The following RAD21 variants were observed in gnomAD, a reference collection of about 807,000 sequenced individuals.
RAD21 encodes the protein RAD21 cohesin complex component.
RAD21 carries 18 observed loss-of-function variants against 71.5 expected under a neutral mutation model. That is an observed-to-expected ratio of 0.25 (90% CI 0.17 to 0.37). The LOEUF is 0.37. Ranked by LOEUF, RAD21 falls within the 10% of genes least tolerant of loss-of-function variation. The probability of loss-of-function intolerance (pLI) is 1.00; values close to 1 mark genes in which losing one functional copy is unlikely to be tolerated. For missense variants in RAD21, 493 were observed against 769.1 expected (o/e 0.64, Z 4.25); for synonymous variants, 248 against 254.0 (o/e 0.98, Z 0.22).
At chr8:116,855,950 G>T (rs1464661461) in intron 8 of RAD21, among the ~76,000 whole-genome samples, 1 of 151,976 alleles carries the variant, frequency 6.6e-6, no homozygotes, top group Non-Finnish European at 1.5e-5. Context: ...ATTATAATTG[G>T]ATAGAAGAAA....
rs1319149762 is a variant in RAD21, at chr8:116,854,371, T to C, written c.1035A>G (p.Ser345=). 2 of 1,613,954 alleles carry C rather than the reference T, an allele frequency of 1.2e-6. No homozygotes were observed. The highest frequency in any genetic ancestry group is 1.3e-5 in the African/African-American group (1 of 75,032). Residue 345 remains serine (S), a synonymous_variant, in exon 9 of 14, where the codon TCA becomes TCG. Coordinates refer to ENST00000297338, the MANE Select transcript of RAD21 (RefSeq NM_006265.3). ...CCAGATCCAAAGTAGTAACAATATCTGAATAATCACTAAGTTGGGCTCTAA... is the reference window on the plus strand; with the variant it reads ...CCAGATCCAAAGTAGTAACAATATCCGAATAATCACTAAGTTGGGCTCTAA... ...KTIRAQLSDY[S]DIVTTLDLAP... is the part of the protein sequence containing the mutation.
chr8:116,852,224 A>C, intron 10 of RAD21, 128 bp from the exon 11 acceptor site: 1 of 927,536 alleles, frequency 1.1e-6, no homozygotes, highest in Non-Finnish European at 1.5e-6. Context: ...AGGCCAGATA[A>C]AATTTTAGCT....
intron 4 of RAD21, among the ~76,000 whole-genome samples, chr8:116,860,875 G>T (rs897217906): frequency 6.6e-6 from 1 of 152,102 alleles, no homozygotes; most frequent in Non-Finnish European, 1.5e-5. Context: ...GATGAAATAA[G>T]ATTATTGTTA....
intron 4 of RAD21, among the ~76,000 whole-genome samples, chr8:116,860,021 A>C (rs1024358510): frequency 6.6e-6 from 1 of 152,182 alleles, no homozygotes; most frequent in African/African-American, 2.4e-5. Flanking sequence ...GTTTGGAAGA[A>C]ATTAACATTA....
chr8:116,868,125 CT>C (rs1408244383), intron 1 of RAD21, among the ~76,000 whole-genome samples: 2 of 152,142 alleles, frequency 1.3e-5, no homozygotes, highest in East Asian at 1.9e-4. Flanking sequence ...TCACTGCAGC[CT>C]TGAACTCCTA....
intron 8 of RAD21, 99 bp downstream of exon 8, chr8:116,856,067 A>G: frequency 7.4e-7 from 1 of 1,356,012 alleles, no homozygotes; most frequent in South Asian, 1.5e-5. Flanking sequence ...CAAGAAGCCT[A>G]GTTATCTAAT....
chr8:116,847,918 C>T (rs768936645), intron 13 of RAD21, among the ~76,000 whole-genome samples: 2 of 152,042 alleles, frequency 1.3e-5, no homozygotes, highest in African/African-American at 4.8e-5. Flanking sequence ...AATTCTTGCT[C>T]GTTAGTTAAC....
At chr8:116,849,092 A>G (rs1812301495) in intron 12 of RAD21, 63 bp from the exon 13 acceptor site, 1 of 1,238,438 alleles carries the variant, frequency 8.1e-7, no homozygotes, top group Non-Finnish European at 1.1e-6. Flanking sequence ...AAGTATTTCT[A>G]CATCTCCTAA....
At chr8:116,856,903 C>G in intron 6 of RAD21, 132 bp from the exon 7 acceptor site, 1 of 588,606 alleles carries the variant, frequency 1.7e-6, no homozygotes, top group Non-Finnish European at 2.7e-6. Flanking sequence ...ATCTGTTTCT[C>G]CTCCAGGTAG....
intron 4 of RAD21, among the ~76,000 whole-genome samples, chr8:116,860,497 C>G (rs1220561177): frequency 6.6e-6 from 1 of 152,198 alleles, no homozygotes; most frequent in African/African-American, 2.4e-5. Flanking sequence ...GCAACCACCA[C>G]CTGTATCAGT....
At chr8:116,872,523 GATAT>G (rs1003032659) in intron 1 of RAD21, among the ~76,000 whole-genome samples, 1 of 141,342 alleles carries the variant, frequency 7.1e-6, no homozygotes, top group Non-Finnish European at 1.5e-5. Flanking sequence ...TGTACTGTTT[GATAT>G]ATATATATAC....
At chr8:116,860,581 C>T (rs1812571069) in intron 4 of RAD21, among the ~76,000 whole-genome samples, 1 of 152,192 alleles carries the variant, frequency 6.6e-6, no homozygotes, top group South Asian at 2.1e-4. Flanking sequence ...CAGATGATCA[C>T]TAGCATTTTT....
chr8:116,856,803 T>A (rs1170785592), intron 6 of RAD21, 32 bp from the exon 7 acceptor site: 1 of 1,439,766 alleles, frequency 6.9e-7, no homozygotes, highest in South Asian at 1.5e-5. Context: ...AGTTATAATT[T>A]GAAAAAGAAA....
At chr8:116,861,677 T>C (rs1294016109) in intron 4 of RAD21, among the ~76,000 whole-genome samples, 164 bp downstream of exon 4, 1 of 151,996 alleles carries the variant, frequency 6.6e-6, no homozygotes, top group African/African-American at 2.4e-5. Context: ...GAAGAACAAC[T>C]TTCTAGGTTT....
At chr8:116,851,132 T>G (rs1045006256) in intron 11 of RAD21, 1 of 158,386 alleles carries the variant, frequency 6.3e-6, no homozygotes, top group Non-Finnish European at 1.4e-5. Context: ...CAGCAAATAA[T>G]AGGAGTGAGG....
chr8:116,854,533 G>A, intron 8 of RAD21, 65 bp from the exon 9 acceptor site: 1 of 1,196,574 alleles, frequency 8.4e-7, no homozygotes, highest in African/African-American at 1.5e-5. Flanking sequence ...ACAGCTACAA[G>A]ATCTGGACTG....
In RAD21 at chr8:116,856,607, T is replaced by C. The variant is rs200391632; in HGVS notation, c.814+39A>G. 668 of 1,541,486 alleles carry C rather than the reference T, an allele frequency of 4.3e-4. 5 individuals are homozygous for C. The highest frequency in any genetic ancestry group is 1.6e-3 in the Middle Eastern group (9 of 5,778). On this transcript the variant is annotated intron_variant, in intron 7 of 13. Transcript: ENST00000297338. ...ATGGTAAGTATCTTTCTGGATGCCATACAATCATCCCCAGAATCACTGAAC... is the reference window on the plus strand; with the variant it reads ...ATGGTAAGTATCTTTCTGGATGCCACACAATCATCCCCAGAATCACTGAAC...
chr8:116,848,737 A>G (rs1197328643), intron 13 of RAD21: 1 of 432,414 alleles, frequency 2.3e-6, no homozygotes, highest in African/African-American at 2.1e-5. Flanking sequence ...CAGTTTATGT[A>G]TTTAATTAAA....
chr8:116,851,637 T>C (rs1264760822), intron 11 of RAD21: 2 of 216,460 alleles, frequency 9.2e-6, no homozygotes, highest in Non-Finnish European at 1.8e-5. Flanking sequence ...TAAAACTGCC[T>C]AGTACTGAAG....
Sources: allele counts gnomAD v4.1 joint callset (sites outside exome capture counted in the v4.1 genomes callset), GRCh38; gene constraint gnomAD v4.1.1; transcripts MANE v1.5; gene names NCBI Gene and HGNC (gene_info 2026-07-23, HGNC 2026-07-21).